The following MAP2K5 variants were observed in gnomAD, a reference collection of about 807,000 sequenced individuals.
MAP2K5 encodes dual specificity mitogen-activated protein kinase kinase 5.
A neutral mutation model predicts 83.1 loss-of-function variants in MAP2K5; 49 were observed. The ratio of observed to expected loss-of-function variants is 0.59; its 90% confidence interval spans 0.47 to 0.75. The LOEUF (loss-of-function observed/expected upper bound fraction) is 0.75. Among genes scored for constraint, MAP2K5 ranks in the 30% least tolerant of loss-of-function variants. The pLI is 0.00. For synonymous variants in MAP2K5, 202 were observed against 191.8 expected (o/e 1.05, Z -0.44); for missense variants, 457 against 557.5 (o/e 0.82, Z 1.82).
At chr15:67,623,252 G>A (rs1194286220) in intron 8 of MAP2K5, among the ~76,000 whole-genome samples, 2 of 152,118 alleles carry the variant, frequency 1.3e-5, no homozygotes, top group African/African-American at 2.4e-5. Context: ...CCTGAATGGC[G>A]TACTTACCAC....
At chr15:67,593,685 GGC>G (rs914453837) in intron 7 of MAP2K5, among the ~76,000 whole-genome samples, 2 of 152,252 alleles carry the variant, frequency 1.3e-5, no homozygotes, top group Non-Finnish European at 2.9e-5. Context: ...CTTGGAGGCA[GGC>G]GCCTGTCCAT....
chr15:67,563,148 AAT>A lies in MAP2K5; in HGVS notation c.185-133_185-132del. ...CAAATGGAAAACAAAACAACAAACTAATAATGTCAACATACCCCCAAAATGTG... is the reference window on the plus strand; with the variant it reads ...CAAATGGAAAACAAAACAACAAACTAAATGTCAACATACCCCCAAAATGTG... On this transcript the variant is annotated intron_variant, in intron 2 of 21. Coordinates refer to ENST00000178640, the MANE Select transcript of MAP2K5 (RefSeq NM_145160.3). This position sits in a 1 kb window ranked among gnomAD's most constrained non-coding sequence, Gnocchi z 4.5. 6 of 923,272 alleles carry A rather than the reference AAT, an allele frequency of 6.5e-6. No homozygotes were observed. The highest frequency in any genetic ancestry group is 9.2e-6 in the Non-Finnish European group (6 of 654,646). 57.2% of individuals were successfully genotyped at this position (923,272 alleles called of 1,614,324 possible). A position where few individuals can be genotyped will look rare whatever the true frequency, so the allele number is the denominator to read the frequency against.
intron 8 of MAP2K5, among the ~76,000 whole-genome samples, chr15:67,608,329 T>C (rs1022607934): frequency 1.3e-5 from 2 of 152,118 alleles, no homozygotes; most frequent in South Asian, 2.1e-4. Flanking sequence ...TAATGAGGGA[T>C]TGGGGAATTG....
chr15:67,630,958 T>G, intron 9 of MAP2K5, 31 bp downstream of exon 9: 1 of 1,535,652 alleles, frequency 6.5e-7, no homozygotes, highest in South Asian at 1.1e-5. Context: ...ATGAAATTCT[T>G]GATGTTCACC....
rs1211630552 is a variant in MAP2K5, at chr15:67,576,987, C to T, written c.253-3767C>T. ...TCTGTCGCCCAGGCCGGACTGCGGACTGCAGTGGCGCAATCTCGGCTCACT... is the reference window on the plus strand; with the variant it reads ...TCTGTCGCCCAGGCCGGACTGCGGATTGCAGTGGCGCAATCTCGGCTCACT... On this transcript the variant is annotated intron_variant, in intron 3 of 21. Transcript: ENST00000178640. 1.5e-5 allele frequency among the ~76,000 whole-genome samples: 2 copies of T among 135,578 alleles called. 1 individual carries two copies. Among genetic ancestry groups the T allele is most frequent in the Non-Finnish European group, 3.3e-5 (2 of 61,200 alleles). 88.9% of individuals were successfully genotyped at this position (135,578 alleles called of 152,430 possible).
chr15:67,689,330 G>T (rs571729948), intron 13 of MAP2K5, among the ~76,000 whole-genome samples: 1 of 152,326 alleles, frequency 6.6e-6, no homozygotes, highest in East Asian at 1.9e-4. Context: ...GGTACAGACA[G>T]ATGCTACAGA....
rs138521028 is a variant in MAP2K5 at position 67,675,764 on chromosome 15, G to A, written c.847+11119G>A. 5.9e-3 allele frequency among the ~76,000 whole-genome samples: 896 copies of A among 152,316 alleles called. 6 individuals are homozygous for A. Among genetic ancestry groups the A allele is most frequent in the African/African-American group, 0.021 (862 of 41,560 alleles). ...TATTCAGAAGGTCAGCTTAATCAGA[G>A]AAGGTTGTCCTGGACTTAGTTTTTC... On this transcript the variant is annotated intron_variant, in intron 13 of 21. Transcript: ENST00000178640.
At chr15:67,713,622 G>C (rs889743504) in intron 16 of MAP2K5, among the ~76,000 whole-genome samples, 1 of 152,072 alleles carries the variant, frequency 6.6e-6, no homozygotes, top group Non-Finnish European at 1.5e-5. Flanking sequence ...TGTAATCCCA[G>C]TTACTTGGGA....
At chr15:67,624,327 A>G (rs527635668) in intron 8 of MAP2K5, among the ~76,000 whole-genome samples, 1 of 124,358 alleles carries the variant, frequency 8.0e-6, no homozygotes, top group East Asian at 2.4e-4. Flanking sequence ...CGACAGAGCA[A>G]GACTCCGTCT....
At chr15:67,713,802 T>G (rs1184696095) in intron 16 of MAP2K5, among the ~76,000 whole-genome samples, 1 of 152,230 alleles carries the variant, frequency 6.6e-6, no homozygotes, top group African/African-American at 2.4e-5. Context: ...TGGAGAAATT[T>G]GATGGCGAGT....
chr15:67,550,204 A>C, intron 2 of MAP2K5, 122 bp downstream of exon 2: 2 of 640,438 alleles, frequency 3.1e-6, no homozygotes, highest in East Asian at 5.5e-5. Context: ...CATATGGTAC[A>C]TTTAAATATT....
At position 67,614,094 on chromosome 15, in the gene MAP2K5, A is replaced by G. The variant is rs180987639; in HGVS notation, c.545+13345A>G. On this transcript the variant is annotated intron_variant, in intron 8 of 21. Transcript: ENST00000178640. ...GAAGCAACCAGTTTATTTTCACACA[A>G]AGCTTGTTGGGACATGCACTGGATT... Among the ~76,000 whole-genome samples the G allele has an allele frequency of 1.6e-4, 24 of 152,264 alleles. No individual in the cohort carries two copies. In the East Asian group the frequency reaches 2.9e-3, roughly 18 times the overall value.
chr15:67,583,058 A>G (rs2085216048), intron 4 of MAP2K5, among the ~76,000 whole-genome samples: 1 of 152,178 alleles, frequency 6.6e-6, no homozygotes, highest in African/African-American at 2.4e-5. Context: ...TGCTTTACGC[A>G]TCATCATCTG....
chr15:67,711,311 T>C (rs1266641066), intron 16 of MAP2K5, among the ~76,000 whole-genome samples: 2 of 152,244 alleles, frequency 1.3e-5, no homozygotes, highest in African/African-American at 4.8e-5. Flanking sequence ...GTTTGGAGAA[T>C]AGATCACAGT....
intron 11 of MAP2K5, among the ~76,000 whole-genome samples, chr15:67,655,124 T>A (rs191387199): frequency 3.9e-4 from 59 of 152,266 alleles, no homozygotes; most frequent in African/African-American, 1.4e-3. Context: ...TTTCTTCTCA[T>A]CTTTTTTATG....
rs2089399825 is a variant in MAP2K5 at position 67,738,671 on chromosome 15, AGATGGG to A, written c.1075-9556_1075-9551del. ...ATTGTGGGTAGACAGTGTATAGAGGAGATGGGGATCCACCCACATACACATGTACAC... is the reference window on the plus strand; with the variant it reads ...ATTGTGGGTAGACAGTGTATAGAGGAGATCCACCCACATACACATGTACAC... On this transcript the variant is annotated intron_variant, in intron 17 of 21. Transcript: ENST00000178640. This position sits in a 1 kb window ranked among gnomAD's most constrained non-coding sequence, Gnocchi z 4.1. Among the ~76,000 whole-genome samples, 1 of 152,208 alleles carries A rather than the reference AGATGGG, an allele frequency of 6.6e-6. No homozygotes were observed. Among genetic ancestry groups the A allele is most frequent in the Non-Finnish European group, 1.5e-5 (1 of 68,032 alleles).
intron 1 of MAP2K5, chr15:67,549,309 C>T (rs565406530): frequency 9.8e-7 from 1 of 1,016,680 alleles, no homozygotes; most frequent in Non-Finnish European, 1.5e-6. Flanking sequence ...AGATTATATA[C>T]CCTTTTTAGA....
chr15:67,572,251 G>A lies in MAP2K5; in HGVS notation c.253-8503G>A, dbSNP rs951430024. ...TCAGTCTGTATGGACAGTGACGGGG[G>A]AGAGGGTGGGAGATGGGGCTTGGAG... is the stretch of plus-strand genomic sequence containing the variant. On this transcript the variant is annotated intron_variant, in intron 3 of 21. Transcript: ENST00000178640. The surrounding 1 kb of genome is among the most constrained non-coding windows in gnomAD (Gnocchi z 4.2). Among the ~76,000 whole-genome samples the A allele has an allele frequency of 1.3e-5, 2 of 152,176 alleles. No homozygotes were observed. The highest frequency in any genetic ancestry group is 4.8e-5 in the African/African-American group (2 of 41,428).
At chr15:67,664,315 T>C (rs1162654172) in intron 12 of MAP2K5, among the ~76,000 whole-genome samples, 2 of 115,020 alleles carry the variant, frequency 1.7e-5, no homozygotes, top group East Asian at 4.9e-4. Context: ...GCAACATTAG[T>C]GAGATCCCTG....
Sources: gnomAD v4.1 joint callset for allele counts (sites outside exome capture counted in the v4.1 genomes callset) on GRCh38, gnomAD v4.1.1 for gene constraint, Gnocchi (gnomAD v3.1) non-coding constraint, MANE v1.5 for transcripts, NCBI Gene and HGNC (gene_info 2026-07-23, HGNC 2026-07-21) for gene names.